The following ETNK1 variants were observed in gnomAD, a reference collection of about 807,000 sequenced individuals.
ETNK1 encodes ethanolamine kinase 1, also known as putative protein product of Nbla10396.
A neutral mutation model predicts 45.1 loss-of-function variants in ETNK1; 8 were observed. That is an observed-to-expected ratio of 0.18 (90% confidence interval 0.10 to 0.32). The LOEUF is 0.32. Ranked by LOEUF, ETNK1 falls within the 10% of genes least tolerant of loss-of-function variation. ETNK1 has a pLI of 1.00. For missense variants in ETNK1, 302 were observed against 430.6 expected (o/e 0.70, Z 2.64); for synonymous variants, 152 against 151.9 (o/e 1.00, Z -0.01).
At chr12:22,636,352 T>G (rs1371874990) in intron 1 of ETNK1, among the ~76,000 whole-genome samples, 7 of 152,186 alleles carry the variant, frequency 4.6e-5, no homozygotes, top group Admixed American at 4.6e-4. Flanking sequence ...AATGAGGTCC[T>G]GAATGGTGTG....
intron 1 of ETNK1, among the ~76,000 whole-genome samples, chr12:22,627,487 T>A (rs1175495080): frequency 6.6e-6 from 1 of 152,168 alleles, no homozygotes; most frequent in Non-Finnish European, 1.5e-5. Context: ...CCTAAAAGCA[T>A]CTGCTAAGCT....
At chr12:22,644,121 G>C (rs1220713714) in intron 2 of ETNK1, 99 bp downstream of exon 2, 3 of 1,473,796 alleles carry the variant, frequency 2.0e-6, no homozygotes, top group Non-Finnish European at 2.7e-6. Context: ...GCAACTATTT[G>C]GTTAACTTAG....
intron 2 of ETNK1, chr12:22,656,401 GAT>G: frequency 1.0e-6 from 1 of 985,346 alleles, no homozygotes; most frequent in Non-Finnish European, 1.2e-6. Context: ...CTTGTCTTCT[GAT>G]CTCAGTAAAC....
At chr12:22,681,030 A>T (rs1954210411) in intron 6 of ETNK1, among the ~76,000 whole-genome samples, 2 of 152,054 alleles carry the variant, frequency 1.3e-5, no homozygotes, top group South Asian at 4.1e-4. Context: ...AGACTTACAT[A>T]TCCATAACTT....
intron 6 of ETNK1, among the ~76,000 whole-genome samples, chr12:22,680,770 A>G (rs897907214): frequency 6.6e-6 from 1 of 152,172 alleles, no homozygotes. Context: ...ACAGACTTCT[A>G]AAGATTATAA....
At chr12:22,676,082 C>G (rs1310608458) in intron 6 of ETNK1, among the ~76,000 whole-genome samples, 1 of 152,148 alleles carries the variant, frequency 6.6e-6, no homozygotes, top group Non-Finnish European at 1.5e-5. Flanking sequence ...CATAGGTATA[C>G]ATGTGCCATG....
At chr12:22,660,744 A>G (rs1953991492) in intron 3 of ETNK1, among the ~76,000 whole-genome samples, 1 of 152,154 alleles carries the variant, frequency 6.6e-6, no homozygotes, top group Admixed American at 6.5e-5. Flanking sequence ...TAAAATTGAC[A>G]TAAATGTAAA....
chr12:22,670,087 T>A (rs958183213), intron 4 of ETNK1, among the ~76,000 whole-genome samples: 6 of 152,138 alleles, frequency 3.9e-5, no homozygotes, highest in African/African-American at 1.4e-4. Flanking sequence ...TTTTTCTTTG[T>A]GTTTGAATAT....
In ETNK1 at chr12:22,688,935, A is replaced by T. The variant is rs1446892727; in HGVS notation, c.*3981A>T. The T allele has an allele frequency of 6.6e-6, 1 of 151,910 alleles. No individual in the cohort carries two copies. Among genetic ancestry groups the T allele is most frequent in the East Asian group, 1.9e-4 (1 of 5,198 alleles). 9.4% of individuals were successfully genotyped at this position (151,910 alleles called of 1,614,324 possible). ...ATTTTAAAATTTTTAACTTTTATAT[A>T]CCACTTGTGTGATTCCAGTGTCATG... On this transcript the variant is annotated 3_prime_UTR_variant, in exon 8 of 8. Coordinates refer to ENST00000266517, the MANE Select transcript of ETNK1 (RefSeq NM_018638.5).
chr12:22,657,259 T>C (rs1953954207), intron 2 of ETNK1, among the ~76,000 whole-genome samples: 1 of 152,148 alleles, frequency 6.6e-6, no homozygotes, highest in Non-Finnish European at 1.5e-5. Flanking sequence ...ATTTACTCAT[T>C]TGTTTGAGAG....
chr12:22,639,339 G>T (rs1182987105), intron 1 of ETNK1, among the ~76,000 whole-genome samples: 1 of 152,004 alleles, frequency 6.6e-6, no homozygotes, highest in African/African-American at 2.4e-5. Context: ...GAGCCACCAT[G>T]GCCAGCCATG....
chr12:22,669,798 C>T (rs745844488), intron 4 of ETNK1, among the ~76,000 whole-genome samples: 6 of 148,576 alleles, frequency 4.0e-5, no homozygotes, highest in African/African-American at 9.9e-5. Context: ...AGCAAGACCC[C>T]GTCTCTACAA....
At chr12:22,666,389 A>G (rs1954054144) in intron 4 of ETNK1, among the ~76,000 whole-genome samples, 2 of 152,226 alleles carry the variant, frequency 1.3e-5, no homozygotes, top group East Asian at 1.9e-4. Context: ...TCAATCATTA[A>G]TTTAATAGAC....
Position 22,688,064 on chromosome 12 carries a change from C to T in ETNK1, c.*3110C>T, listed in dbSNP as rs551078278. On this transcript the variant is annotated 3_prime_UTR_variant, in exon 8 of 8. Coordinates refer to ENST00000266517, the MANE Select transcript of ETNK1 (RefSeq NM_018638.5). ...ATACACTGTTATATTAATAGAGCTC[C>T]GTTCTTTGAGTCATGATTCCAAGCT... 22 of 152,074 alleles carry T rather than the reference C, an allele frequency of 1.4e-4. No homozygotes were observed. Among genetic ancestry groups the T allele is most frequent in the East Asian group, 1.4e-3 (7 of 5,182 alleles). The allele number at this position is 152,074 out of a possible 1,614,324, so 9.4% of individuals were successfully genotyped here.
chr12:22,665,719 G>C (rs1954047118), intron 4 of ETNK1, among the ~76,000 whole-genome samples: 1 of 151,970 alleles, frequency 6.6e-6, no homozygotes, highest in Admixed American at 6.6e-5. Flanking sequence ...GAAGGTACAT[G>C]GTTTGCCAAC....
chr12:22,628,815 G>T (rs888075252), intron 1 of ETNK1, among the ~76,000 whole-genome samples: 1 of 152,036 alleles, frequency 6.6e-6, no homozygotes, highest in African/African-American at 2.4e-5. Context: ...AATTAATACC[G>T]TAATTATTAT....
At chr12:22,627,314 G>A (rs984692589) in intron 1 of ETNK1, among the ~76,000 whole-genome samples, 4 of 152,038 alleles carry the variant, frequency 2.6e-5, no homozygotes, top group African/African-American at 9.7e-5. Context: ...TTAAATCTTG[G>A]TTTCTTGTAG....
intron 1 of ETNK1, among the ~76,000 whole-genome samples, chr12:22,631,736 A>G (rs1953582958): frequency 6.6e-6 from 1 of 152,200 alleles, no homozygotes; most frequent in African/African-American, 2.4e-5. Flanking sequence ...TAGGGAAGAA[A>G]GAAGATTAAG....
At chr12:22,648,151 A>AC (rs1953830075) in intron 2 of ETNK1, among the ~76,000 whole-genome samples, 1 of 151,780 alleles carries the variant, frequency 6.6e-6, no homozygotes, top group African/African-American at 2.4e-5. Flanking sequence ...TCCACAGACA[A>AC]CCTCCCCCAT....
Sources: gnomAD v4.1 joint callset for allele counts (sites outside exome capture counted in the v4.1 genomes callset) on GRCh38, gnomAD v4.1.1 for gene constraint, MANE v1.5 for transcripts, NCBI Gene and HGNC (gene_info 2026-07-23, HGNC 2026-07-21) for gene names.